COL6A5: variants seen among roughly 807,000 people sequenced by gnomAD.
COL6A5 encodes collagen alpha-5(VI) chain.
A neutral mutation model predicts 65.6 loss-of-function variants in COL6A5; 48 were observed. That is an observed-to-expected ratio of 0.73 (90% confidence interval 0.58 to 0.93). The LOEUF (loss-of-function observed/expected upper bound fraction) is 0.93, where lower values mean the gene tolerates loss of function less well. COL6A5 is among the 40% of genes least tolerant of loss of function. The pLI is 0.00. For synonymous variants in COL6A5, 291 were observed against 322.8 expected (o/e 0.90, Z 1.05); for missense variants, 914 against 928.3 (o/e 0.98, Z 0.20).
upstream of COL6A5, among the ~76,000 whole-genome samples, chr3:130,428,893 G>T (rs1244429086): frequency 2.6e-5 from 4 of 152,154 alleles, no homozygotes. Context: ...ATATTGGAGT[G>T]ACTCATTTGC....
chr3:130,462,027 A>G (rs1261374409), intron 5 of COL6A5, among the ~76,000 whole-genome samples: 1 of 152,128 alleles, frequency 6.6e-6, no homozygotes, highest in Admixed American at 6.5e-5. Flanking sequence ...AAGTCTTCGG[A>G]GAAAAGGATG....
upstream of COL6A5, chr3:130,429,686 C>A: frequency 1.1e-6 from 1 of 927,198 alleles, no homozygotes; most frequent in Non-Finnish European, 1.6e-6. Flanking sequence ...AACAGGACTT[C>A]TTCCTTCTAT....
chr3:130,472,035 A>G (rs1709965923), intron 7 of COL6A5, 109 bp downstream of exon 40: 1 of 1,111,052 alleles, frequency 9.0e-7, no homozygotes, highest in African/African-American at 1.6e-5. Flanking sequence ...AGATGACAGG[A>G]TGAGGATAAA....
chr3:130,372,886 C>G (rs1935619488), intron 1 of COL6A5, among the ~76,000 whole-genome samples: 1 of 152,132 alleles, frequency 6.6e-6, no homozygotes, highest in Non-Finnish European at 1.5e-5. Flanking sequence ...TAAGGGAGAT[C>G]TATTTTTTGA....
At chr3:130,451,635 C>T (rs947399770) in intron 4 of COL6A5, among the ~76,000 whole-genome samples, 4 of 151,608 alleles carry the variant, frequency 2.6e-5, no homozygotes, top group South Asian at 4.2e-4. Context: ...CTGTGTGAGT[C>T]GGGGCTGCAG....
intron 1 of COL6A5, among the ~76,000 whole-genome samples, chr3:130,355,110 A>G (rs558462764): frequency 6.6e-6 from 1 of 151,996 alleles, no homozygotes; most frequent in Non-Finnish European, 1.5e-5. Context: ...CACAGTTTGC[A>G]TTGTGTTTCT....
At chr3:130,391,722 T>A in exon 7 of COL6A5, 1 of 1,551,298 alleles carries the variant, frequency 6.4e-7, no homozygotes, top group Non-Finnish European at 8.7e-7. Flanking sequence ...TTCACACTTG[T>A]TCAAGAACGT....
At chr3:130,379,631 C>A (rs1434282533) in exon 4 of COL6A5, 2 of 1,551,436 alleles carry the variant, frequency 1.3e-6, no homozygotes, top group Non-Finnish European at 1.7e-6. Flanking sequence ...TCAAGCACAA[C>A]CCAATCTGAA....
chr3:130,467,852 T>C (rs1559918543), intron 5 of COL6A5, among the ~76,000 whole-genome samples: 2 of 152,050 alleles, frequency 1.3e-5, no homozygotes, highest in Non-Finnish European at 2.9e-5. Context: ...AAAATCTACT[T>C]TTTGCTTGAT....
Position 130,422,705 on chromosome 3 carries a change from T to C in COL6A5, c.5038-15T>C. Reference sequence around the variant, plus strand: ...AATACTTTAACATCTTGACTTTTTATATCTGAATCTTCAGGGTGATATTGG... The same window carrying C: ...AATACTTTAACATCTTGACTTTTTACATCTGAATCTTCAGGGTGATATTGG... On this transcript the variant is annotated splice_polypyrimidine_tract_variant and intron_variant and NMD_transcript_variant, in intron 27 of 41. Coordinates refer to the COL6A5 transcript ENST00000312481. 1.3e-6 allele frequency: 2 copies of C among 1,504,078 alleles called. No homozygotes were observed. Among genetic ancestry groups the C allele is most frequent in the Non-Finnish European group, 1.8e-6 (2 of 1,112,462 alleles). The allele number at this position is 1,504,078 out of a possible 1,614,324, so 93.2% of individuals were successfully genotyped here. A position where few individuals can be genotyped will look rare whatever the true frequency, so the allele number is the denominator to read the frequency against.
rs780342192 is a variant in COL6A5 at position 130,470,940 on chromosome 3, A to T, written c.2303A>T (p.Glu768Val). 2.5e-6 allele frequency: 4 copies of T among 1,612,474 alleles called. No individual in the cohort carries two copies. Among genetic ancestry groups the T allele is most frequent in the Non-Finnish European group, 3.4e-6 (4 of 1,179,092 alleles). ...GTTAACATGACCTCTCCCAACCCAG[A>T]GAACGGTGGCACAGAAAACACTGTA... Residue 768 changes from glutamate to valine, a missense_variant, in exon 7 of 8, where the codon GAG becomes GTG. Physicochemically the swap from Glu to Val is moderately radical, Grantham distance 121. Coordinates refer to ENST00000512836, the Ensembl canonical transcript of COL6A5.
exon 7 of COL6A5, chr3:130,391,690 T>C (rs1936408135): frequency 1.3e-6 from 2 of 1,551,662 alleles, no homozygotes; most frequent in Non-Finnish European, 8.7e-7. Context: ...ATGTAGATAA[T>C]TTTGACAAAC....
At chr3:130,484,118 T>C (rs1242780885) in exon 8 of COL6A5, 5 of 1,483,932 alleles carry the variant, frequency 3.4e-6, no homozygotes, top group Non-Finnish European at 4.6e-6. Context: ...AACCAGAATG[T>C]ATAATCATCT....
chr3:130,353,412 A>G (rs550882281), intron 1 of COL6A5, among the ~76,000 whole-genome samples: 3 of 152,342 alleles, frequency 2.0e-5, no homozygotes, highest in South Asian at 4.1e-4. Flanking sequence ...AGTCAACAAA[A>G]CTCCAAACTT....
intron 25 of COL6A5, among the ~76,000 whole-genome samples, chr3:130,420,362 C>T (rs1409778672): frequency 6.6e-6 from 1 of 152,046 alleles, no homozygotes; most frequent in Non-Finnish European, 1.5e-5. Context: ...TCCTCAACAT[C>T]ATTTTTAGTA....
chr3:130,396,895 C>T (rs967630775), intron 8 of COL6A5, among the ~76,000 whole-genome samples: 7 of 152,196 alleles, frequency 4.6e-5, no homozygotes, highest in African/African-American at 1.7e-4. Flanking sequence ...TGGAGTCTCG[C>T]TCTGTCGCCC....
At chr3:130,377,818 TTATTAA>T (rs1043809168) in intron 3 of COL6A5, among the ~76,000 whole-genome samples, 2 of 152,214 alleles carry the variant, frequency 1.3e-5, no homozygotes, top group African/African-American at 4.8e-5. Context: ...CTGTTTACTA[TTATTAA>T]TAGTAACAAC....
intron 1 of COL6A5, among the ~76,000 whole-genome samples, chr3:130,357,820 T>C (rs148889765): frequency 2.2e-3 from 333 of 152,232 alleles, no homozygotes; most frequent in African/African-American, 7.4e-3. Flanking sequence ...AGAAGAAATA[T>C]TTTAACATAA....
intron 4 of COL6A5, among the ~76,000 whole-genome samples, chr3:130,455,162 AAC>A (rs1553758592): frequency 4.7e-5 from 7 of 149,860 alleles, no homozygotes; most frequent in Non-Finnish European, 8.9e-5. Context: ...AAAAAAAAAA[AAC>A]AAACAAACAA....
Sources: gnomAD v4.1 joint callset for allele counts (sites outside exome capture counted in the v4.1 genomes callset) on GRCh38, gnomAD v4.1.1 for gene constraint, MANE v1.5 for transcripts, NCBI Gene and HGNC (gene_info 2026-07-23, HGNC 2026-07-21) for gene names.